PTPRC: variants seen among roughly 807,000 people sequenced by gnomAD.
PTPRC encodes receptor-type tyrosine-protein phosphatase C.
A neutral mutation model predicts 155.9 loss-of-function variants in PTPRC; 44 were observed. That is an observed-to-expected ratio of 0.28 (90% CI 0.22 to 0.36). The LOEUF is 0.36. Among genes scored for constraint, PTPRC ranks in the 10% least tolerant of loss-of-function variants. PTPRC has a pLI of 1.00. For missense variants in PTPRC, 1,401 were observed against 1,564.6 expected (o/e 0.90, Z 1.76); for synonymous variants, 525 against 533.1 (o/e 0.98, Z 0.21).
At chr1:198,696,092 G>A (rs905940813) in intron 3 of PTPRC, among the ~76,000 whole-genome samples, 6 of 151,606 alleles carry the variant, frequency 4.0e-5, no homozygotes, top group Non-Finnish European at 8.8e-5. Context: ...CCAGGGAGTC[G>A]GAGGTTGCAG....
intron 26 of PTPRC, among the ~76,000 whole-genome samples, chr1:198,746,482 G>T (rs571735294): frequency 2.6e-5 from 4 of 151,794 alleles, no homozygotes; most frequent in African/African-American, 9.6e-5. Context: ...AAAAAAAAGG[G>T]TGAAGTGACT....
At chr1:198,746,378 G>T (rs747443869) in intron 26 of PTPRC, among the ~76,000 whole-genome samples, 5 of 151,714 alleles carry the variant, frequency 3.3e-5, no homozygotes, top group Non-Finnish European at 7.4e-5. Context: ...AGGTAAATGG[G>T]GTGTGAGGAG....
chr1:198,722,835 T>C (rs72738062), intron 15 of PTPRC, among the ~76,000 whole-genome samples: 2,032 of 151,834 alleles, frequency 0.013, 25 homozygotes, highest in Non-Finnish European at 0.016. Context: ...TCAGCATATG[T>C]TTAGCAGAAG....
intron 2 of PTPRC, among the ~76,000 whole-genome samples, chr1:198,652,957 G>A (rs34411674): frequency 0.35 from 53,292 of 151,372 alleles, 9,892 homozygotes; most frequent in East Asian, 0.68. Context: ...GAAGTAGAAC[G>A]AGTCAGATAC....
At chr1:198,676,474 A>G (rs1327661120) in intron 2 of PTPRC, among the ~76,000 whole-genome samples, 3 of 152,162 alleles carry the variant, frequency 2.0e-5, no homozygotes, top group East Asian at 3.8e-4. Context: ...TGCCAAGAAA[A>G]TGGGTTTCTG....
intron 28 of PTPRC, 34 bp from the exon 29 acceptor site, chr1:198,750,458 G>C: frequency 6.2e-7 from 1 of 1,600,612 alleles, no homozygotes; most frequent in Non-Finnish European, 8.6e-7. Context: ...CTCTTCTGTA[G>C]TAACGAAGTC....
intron 2 of PTPRC, among the ~76,000 whole-genome samples, chr1:198,649,249 A>C (rs531573068): frequency 1.3e-5 from 2 of 152,014 alleles, no homozygotes; most frequent in East Asian, 3.9e-4. Flanking sequence ...AGTCTGGTTT[A>C]TAAAATAAGA....
Position 198,708,178 on chromosome 1 carries a change from C to T in PTPRC, c.950C>T (p.Ala317Val). The T allele has an allele frequency of 6.2e-7, 1 of 1,604,862 alleles. No individual in the cohort carries two copies. Among genetic ancestry groups the T allele is most frequent in the Non-Finnish European group, 8.5e-7 (1 of 1,172,262 alleles). ...CATGATTGTACACAAGTTGAAAAAG[C>T]AGATACTACTATTTGTTTAAAATGG... The part of the protein sequence containing the change: ...QLHDCTQVEK[A>V]DTTICLKWKN... Residue 317 changes from alanine (A) to valine (V), a missense_variant, in exon 10 of 33, where the codon GCA (alanine) becomes GTA (valine). Ala to Val is a moderately conservative substitution (Grantham distance 64). Coordinates refer to ENST00000442510, the MANE Select transcript of PTPRC (RefSeq NM_002838.5).
intron 15 of PTPRC, among the ~76,000 whole-genome samples, chr1:198,727,864 T>C (rs1391088882): frequency 6.6e-6 from 1 of 152,112 alleles, no homozygotes; most frequent in East Asian, 1.9e-4. Context: ...AGTGAATGGA[T>C]TTTACACCTC....
intron 12 of PTPRC, among the ~76,000 whole-genome samples, chr1:198,715,345 G>C: frequency 6.6e-6 from 1 of 151,724 alleles, no homozygotes; most frequent in South Asian, 2.1e-4. Context: ...GGATAGTCTG[G>C]ATCTCCTGAT....
chr1:198,726,225 A>G (rs995183656), intron 15 of PTPRC, among the ~76,000 whole-genome samples: 3 of 152,192 alleles, frequency 2.0e-5, no homozygotes, highest in African/African-American at 7.2e-5. Flanking sequence ...TTTTATTCAC[A>G]AAATCTGGAA....
chr1:198,693,998 G>A (rs1049209906), intron 3 of PTPRC: 3 of 1,545,288 alleles, frequency 1.9e-6, no homozygotes, highest in African/African-American at 1.4e-5. Context: ...ACACAATCAC[G>A]AGGTGAATTC....
At chr1:198,750,732 T>G in intron 29 of PTPRC, 106 bp downstream of exon 29, 1 of 1,384,890 alleles carries the variant, frequency 7.2e-7, no homozygotes, top group Non-Finnish European at 1.0e-6. Context: ...TTTTTATCCC[T>G]CCATCACATA....
At chr1:198,640,749 T>C (rs1466855047) in intron 2 of PTPRC, among the ~76,000 whole-genome samples, 1 of 152,034 alleles carries the variant, frequency 6.6e-6, no homozygotes, top group African/African-American at 2.4e-5. Flanking sequence ...AAAGAAATAC[T>C]GAGACATTTT....
chr1:198,745,860 A>G (rs1655114124), intron 26 of PTPRC, among the ~76,000 whole-genome samples: 1 of 151,836 alleles, frequency 6.6e-6, no homozygotes, highest in Non-Finnish European at 1.5e-5. Flanking sequence ...AGTAAGGATA[A>G]TAAGTTGGAG....
chr1:198,668,842 C>T (rs561265834), intron 2 of PTPRC, among the ~76,000 whole-genome samples: 4 of 151,950 alleles, frequency 2.6e-5, no homozygotes, highest in Non-Finnish European at 5.9e-5. Flanking sequence ...AGATATGTAT[C>T]GAAGGGAAAT....
In PTPRC at chr1:198,676,779, C is replaced by G. The variant is rs148489238; in HGVS notation, c.74-15568C>G. Among the ~76,000 whole-genome samples, 582 of 152,248 alleles carry G rather than the reference C, an allele frequency of 3.8e-3. 4 individuals carry two copies. Among genetic ancestry groups the G allele is most frequent in the African/African-American group, 0.013 (528 of 41,548 alleles). On this transcript the variant is annotated intron_variant, in intron 2 of 32. Coordinates refer to ENST00000442510, the MANE Select transcript of PTPRC (RefSeq NM_002838.5). ...AAAGTGCAGCATTGAATGAGATAAGCATATTCAACTTAAGGGGCACACTAA... is the reference window on the plus strand; with the variant it reads ...AAAGTGCAGCATTGAATGAGATAAGGATATTCAACTTAAGGGGCACACTAA...
intron 2 of PTPRC, among the ~76,000 whole-genome samples, chr1:198,690,592 C>T (rs1192225538): frequency 5.3e-5 from 8 of 151,974 alleles, no homozygotes. Context: ...CATTTTACTT[C>T]AAGGAATAAG....
intron 2 of PTPRC, among the ~76,000 whole-genome samples, chr1:198,646,757 A>G (rs1406702831): frequency 6.6e-6 from 1 of 151,858 alleles, no homozygotes; most frequent in Non-Finnish European, 1.5e-5. Context: ...ATTCATTTGT[A>G]TGGTATTCCT....
Sources: gnomAD v4.1 joint callset for allele counts (sites outside exome capture counted in the v4.1 genomes callset) on GRCh38, gnomAD v4.1.1 for gene constraint, MANE v1.5 for transcripts, NCBI Gene and HGNC (gene_info 2026-07-23, HGNC 2026-07-21) for gene names.